Variants in HDAC8 observed in about 807,000 individuals in gnomAD.
The protein encoded by HDAC8 is histone deacetylase-like 1.
Under a neutral mutation model 32.2 loss-of-function variants are expected in HDAC8, and 1 was observed. The ratio of observed to expected loss-of-function variants is 0.03; its 90% CI spans 0.01 to 0.15. The LOEUF (loss-of-function observed/expected upper bound fraction) is 0.15. Among genes scored for constraint, HDAC8 ranks in the 10% least tolerant of loss-of-function variants. HDAC8 has a pLI of 1.00. For synonymous variants in HDAC8, 108 were observed against 113.9 expected, an observed-to-expected ratio of 0.95 and a Z score of 0.33; for missense variants, 117 against 300.0, an observed-to-expected ratio of 0.39 and a Z score of 4.51.
chrX:72,352,326 C>A (rs1330682050), intron 9 of HDAC8, among the ~76,000 whole-genome samples: 17 of 111,813 alleles, frequency 1.5e-4, no homozygotes, highest in African/African-American at 5.5e-4. Context: ...TCTCCACCAA[C>A]CCCAAGAGCA....
chrX:72,496,758 A>T (rs1556013400), intron 4 of HDAC8, among the ~76,000 whole-genome samples: 1 of 108,017 alleles, frequency 9.3e-6, no homozygotes, highest in East Asian at 2.9e-4. Flanking sequence ...TTACAATTAA[A>T]TTGGGGAGAT....
intron 9 of HDAC8, among the ~76,000 whole-genome samples, chrX:72,446,136 A>T (rs1282237543): frequency 3.6e-5 from 4 of 112,382 alleles, no homozygotes; most frequent in Non-Finnish European, 7.5e-5. Context: ...GTGATTCCCC[A>T]GGGATGTAGA....
chrX:72,502,925 C>CA (rs1200626997), intron 4 of HDAC8, among the ~76,000 whole-genome samples: 1 of 109,374 alleles, frequency 9.1e-6, no homozygotes, highest in Non-Finnish European at 1.9e-5. Flanking sequence ...GACTCTGTCT[C>CA]AAAAAAAATA....
intron 9 of HDAC8, among the ~76,000 whole-genome samples, chrX:72,440,191 C>T (rs2047083300): frequency 8.9e-6 from 1 of 112,092 alleles, no homozygotes; most frequent in African/African-American, 3.2e-5. Context: ...CACACAACTA[C>T]ATGGAAACTG....
chrX:72,536,290 T>A (rs2050521997), intron 4 of HDAC8, among the ~76,000 whole-genome samples: 1 of 111,992 alleles, frequency 8.9e-6, no homozygotes, highest in African/African-American at 3.2e-5. Flanking sequence ...CATAGTTATA[T>A]CAAGCAAGTC....
At chrX:72,484,710 T>C (rs1046570131) in intron 7 of HDAC8, among the ~76,000 whole-genome samples, 5 of 111,801 alleles carry the variant, frequency 4.5e-5, no homozygotes, top group African/African-American at 1.3e-4. Context: ...AGTGGACAAG[T>C]AGTTGGGTCA....
chrX:72,426,841 A>C lies in HDAC8; in HGVS notation c.1005+35163T>G, dbSNP rs185355889. Among the ~76,000 whole-genome samples the C allele has an allele frequency of 2.6e-4, 29 of 110,225 alleles. 1 individual carries two copies. The highest frequency in any genetic ancestry group is 7.8e-4 in the Admixed American group (8 of 10,315). On this transcript the variant is annotated intron_variant, in intron 9 of 10. Coordinates refer to ENST00000373573, the MANE Select transcript of HDAC8 (RefSeq NM_018486.3). ...AGATAGAGCCTTTAGGAGGTAATTT[A>C]GACTAAATGAGGTAATGGGGGTGGG... is the stretch of plus-strand genomic sequence containing the variant.
At chrX:72,463,729 A>T (rs1036787081) in intron 8 of HDAC8, among the ~76,000 whole-genome samples, 1 of 111,789 alleles carries the variant, frequency 8.9e-6, no homozygotes, top group African/African-American at 3.3e-5. Flanking sequence ...TTGAATGCCC[A>T]CTCATTTAAT....
At chrX:72,381,711 T>TAACA (rs1267930648) in intron 9 of HDAC8, among the ~76,000 whole-genome samples, 1 of 112,415 alleles carries the variant, frequency 8.9e-6, no homozygotes, top group Non-Finnish European at 1.9e-5. Context: ...AGGAAAGTTA[T>TAACA]AACATTCATC....
Position 72,329,966 on chromosome X carries a change from A to G in HDAC8, c.*88T>C. On this transcript the variant is annotated 3_prime_UTR_variant, in exon 11 of 11. Coordinates refer to ENST00000373573, the MANE Select transcript of HDAC8 (RefSeq NM_018486.3). ...TTTCTTTCAAATTTTCCCTGCAGTC[A>G]CAAATTCCACAAACTGCTTGCATAA... 2 of 965,812 alleles carry G rather than the reference A, an allele frequency of 2.1e-6. No individual in the cohort carries two copies. Among genetic ancestry groups the G allele is most frequent in the Non-Finnish European group, 1.5e-6 (1 of 683,175 alleles). The allele number at this position is 965,812 out of a possible 1,213,427, so 79.6% of individuals were successfully genotyped here. A position where few individuals can be genotyped will look rare whatever the true frequency, so the allele number is the denominator to read the frequency against.
intron 9 of HDAC8, among the ~76,000 whole-genome samples, chrX:72,381,876 A>G (rs1402358844): frequency 3.6e-5 from 4 of 112,240 alleles, no homozygotes; most frequent in Non-Finnish European, 5.6e-5. Flanking sequence ...GGTGTTGACA[A>G]GCTATTAAAT....
chrX:72,556,020 T>C (rs1160566584), intron 4 of HDAC8, among the ~76,000 whole-genome samples: 1 of 111,943 alleles, frequency 8.9e-6, no homozygotes, highest in Non-Finnish European at 1.9e-5. Flanking sequence ...TGAGGTAACC[T>C]ATAAAGGAAA....
intron 4 of HDAC8, among the ~76,000 whole-genome samples, chrX:72,535,395 T>C (rs2044854782): frequency 9.0e-6 from 1 of 111,315 alleles, no homozygotes; most frequent in Non-Finnish European, 1.9e-5. Flanking sequence ...TTTTTGTATC[T>C]CTTGCCCATT....
At chrX:72,541,115 G>A (rs781944941) in intron 4 of HDAC8, among the ~76,000 whole-genome samples, 3 of 110,516 alleles carry the variant, frequency 2.7e-5, no homozygotes, top group Non-Finnish European at 3.8e-5. Flanking sequence ...ATTATCAATG[G>A]TATGGAGAAC....
chrX:72,503,920 C>A (rs782123775), intron 4 of HDAC8, among the ~76,000 whole-genome samples: 2 of 112,175 alleles, frequency 1.8e-5, no homozygotes, highest in Admixed American at 1.9e-4. Flanking sequence ...TACTTCCTGG[C>A]AAGTCTTAGA....
chrX:72,349,147 C>T (rs1385686459), intron 10 of HDAC8, among the ~76,000 whole-genome samples: 1 of 112,420 alleles, frequency 8.9e-6, no homozygotes, highest in East Asian at 2.8e-4. Context: ...TGCCTTGTGG[C>T]CACATAGACC....
At chrX:72,360,010 C>T (rs1427639806) in intron 9 of HDAC8, among the ~76,000 whole-genome samples, 1 of 106,090 alleles carries the variant, frequency 9.4e-6, no homozygotes, top group Non-Finnish European at 1.9e-5. Context: ...GTCAAGATTG[C>T]ACCACTGCAC....
At chrX:72,435,863 G>A (rs986409963) in intron 9 of HDAC8, among the ~76,000 whole-genome samples, 23 of 111,635 alleles carry the variant, frequency 2.1e-4, no homozygotes, top group Admixed American at 1.7e-3. Flanking sequence ...AGCTACTTGG[G>A]AGGCTGAAGC....
chrX:72,432,874 G>A (rs2046856841), intron 9 of HDAC8, among the ~76,000 whole-genome samples: 1 of 111,601 alleles, frequency 9.0e-6, no homozygotes, highest in East Asian at 2.8e-4. Flanking sequence ...AATAGTCACT[G>A]AATGACTGAA....
Sources: allele counts gnomAD v4.1 joint callset (sites outside exome capture counted in the v4.1 genomes callset), GRCh38; gene constraint gnomAD v4.1.1; transcripts MANE v1.5; gene names NCBI Gene and HGNC (gene_info 2026-07-23, HGNC 2026-07-21).